CORO7: variants seen among roughly 807,000 people sequenced by gnomAD.
CORO7 encodes the protein coronin 7, also known as coronin-7.
In CORO7, 107 loss-of-function variants were observed where a neutral mutation model predicts 126.6. That is an observed-to-expected ratio of 0.85 (90% CI 0.72 to 0.99). The LOEUF (loss-of-function observed/expected upper bound fraction) is 0.99. Ranked by LOEUF, CORO7 falls within the 50% of genes least tolerant of loss-of-function variation. CORO7 has a pLI of 0.00. For missense variants in CORO7, 1,314 were observed against 1,255.8 expected (o/e 1.05, Z -0.70); for synonymous variants, 603 against 536.8 (o/e 1.12, Z -1.70).
At position 4,355,542 on chromosome 16, in the gene CORO7, C is replaced by G. The variant is rs1215133673; in HGVS notation, c.2686-170G>C. ...GGAGTGCAGTGGCGCGATCTCGGCT[C>G]ACTGCAAGCTCTGCCTCCCGGGTTT... is the stretch of plus-strand genomic sequence containing the variant. On this transcript the variant is annotated intron_variant, in intron 26 of 27. Coordinates refer to ENST00000251166, the MANE Select transcript of CORO7 (RefSeq NM_024535.5). 9 of 684,370 alleles carry G rather than the reference C, an allele frequency of 1.3e-5. No homozygotes were observed. In the South Asian group the frequency reaches 1.7e-4, roughly 13 times the overall value. The allele number at this position is 684,370 out of a possible 1,614,324, so 42.4% of individuals were successfully genotyped here.
At chr16:4,402,265 G>GA (rs1390242530) in intron 6 of CORO7, among the ~76,000 whole-genome samples, 2 of 150,972 alleles carry the variant, frequency 1.3e-5, no homozygotes, top group Admixed American at 6.6e-5. Context: ...TGTTGTTGTT[G>GA]TTTTTTAAGA....
chr16:4,388,112 A>T, intron 8 of CORO7, 44 bp from the exon 9 acceptor site: 1 of 1,583,820 alleles, frequency 6.3e-7, no homozygotes, highest in Non-Finnish European at 8.6e-7. Flanking sequence ...CCTGTCCCTC[A>T]GCCCCACCCG....
intron 9 of CORO7, chr16:4,371,705 G>A (rs987286854): frequency 1.3e-5 from 2 of 152,274 alleles, no homozygotes; most frequent in African/African-American, 4.8e-5. Context: ...TGAGGGCCAG[G>A]GCAACCCGGC....
chr16:4,415,792 G>C, intron 1 of CORO7: 1 of 985,562 alleles, frequency 1.0e-6, no homozygotes, highest in Non-Finnish European at 1.2e-6. Context: ...TGCCGTTTCG[G>C]GGGTCCGAAG....
chr16:4,409,154 G>A (rs74003300), intron 3 of CORO7, among the ~76,000 whole-genome samples: 368 of 152,264 alleles, frequency 2.4e-3, no homozygotes, highest in African/African-American at 8.4e-3. Flanking sequence ...GGAGCACAGC[G>A]ACCACCTGCT....
At chr16:4,399,596 A>G (rs540173747) in intron 6 of CORO7, among the ~76,000 whole-genome samples, 2 of 152,328 alleles carry the variant, frequency 1.3e-5, no homozygotes, top group South Asian at 4.1e-4. Context: ...TATACTTAAC[A>G]CTACTGAACT....
chr16:4,365,569 C>A (rs762758018), intron 9 of CORO7, 24 bp from the exon 10 acceptor site: 1 of 1,566,348 alleles, frequency 6.4e-7, no homozygotes, highest in Non-Finnish European at 8.7e-7. Flanking sequence ...GGCAAGATGG[C>A]GGGTCAGGGC....
At chr16:4,408,518 G>A (rs1375577643) in intron 3 of CORO7, among the ~76,000 whole-genome samples, 2 of 152,198 alleles carry the variant, frequency 1.3e-5, no homozygotes, top group Non-Finnish European at 2.9e-5. Context: ...GAGTCACCAG[G>A]CACCTGCAGG....
At chr16:4,396,771 T>A (rs1376930379) in intron 6 of CORO7, among the ~76,000 whole-genome samples, 1 of 151,954 alleles carries the variant, frequency 6.6e-6, no homozygotes, top group Non-Finnish European at 1.5e-5. Context: ...ATCCCAGCAC[T>A]TTGCGAGGCT....
intron 9 of CORO7, among the ~76,000 whole-genome samples, chr16:4,376,265 G>A (rs962017854): frequency 2.0e-5 from 3 of 152,208 alleles, no homozygotes; most frequent in East Asian, 1.9e-4. Flanking sequence ...CCTCGGACAC[G>A]TCAGCGAAAC....
Position 4,362,574 on chromosome 16 carries a change from C to T in CORO7, c.1402+38G>A. 6.6e-7 allele frequency: 1 copy of T among 1,512,022 alleles called. No individual in the cohort carries two copies. Among genetic ancestry groups the T allele is most frequent in the South Asian group, 1.3e-5 (1 of 75,530 alleles). 93.7% of individuals were successfully genotyped at this position (1,512,022 alleles called of 1,614,324 possible). On this transcript the variant is annotated intron_variant, in intron 15 of 27. Transcript: ENST00000251166. The surrounding 1 kb of genome is among the most constrained non-coding windows in gnomAD (Gnocchi z 5.3). ...GACGGGGAGTGGGGCAGACAGGGCTCCTGCGGTAGGGGTGAGCTCCCCGTC... is the reference window on the plus strand; with the variant it reads ...GACGGGGAGTGGGGCAGACAGGGCTTCTGCGGTAGGGGTGAGCTCCCCGTC...
At chr16:4,412,207 C>A in intron 3 of CORO7, 149 bp downstream of exon 3, 1 of 811,882 alleles carries the variant, frequency 1.2e-6, no homozygotes. Flanking sequence ...GCCTTCTGAG[C>A]CCCACTGTCT....
chr16:4,381,213 G>A lies in CORO7; in HGVS notation c.785+6773C>T, dbSNP rs145408407. On this transcript the variant is annotated intron_variant, in intron 9 of 27. Transcript: ENST00000251166. The stretch of plus-strand genomic sequence containing the variant: ...ACCTGGACCTGACAGCCAACAGGCT[G>A]CATGAAATCACCAATGAGACCTTCC... 30 of 1,611,964 alleles carry A rather than the reference G, an allele frequency of 1.9e-5. No individual in the cohort carries two copies. In the African/African-American group the frequency reaches 3.1e-4, roughly 16 times the overall value.
chr16:4,371,028 C>T (rs1252675947), intron 9 of CORO7, among the ~76,000 whole-genome samples: 7 of 152,226 alleles, frequency 4.6e-5, no homozygotes, highest in Admixed American at 4.6e-4. Context: ...ACTAGTCCGG[C>T]CCCTGGCACC....
chr16:4,370,727 C>T (rs554814733), intron 9 of CORO7, among the ~76,000 whole-genome samples: 34 of 152,342 alleles, frequency 2.2e-4, no homozygotes, highest in African/African-American at 8.2e-4. Flanking sequence ...ACACAGAGGC[C>T]ATCCTGCCTT....
At position 4,357,433 on chromosome 16, in the gene CORO7, C is replaced by T. The variant is rs564203738; in HGVS notation, c.2594-174G>A. The T allele has an allele frequency of 2.5e-5, 16 of 633,598 alleles. No individual in the cohort carries two copies. The South Asian group carries it at 3.3e-4, about 13-fold the overall frequency. The allele number at this position is 633,598 out of a possible 1,614,324, so 39.2% of individuals were successfully genotyped here. The stretch of plus-strand genomic sequence containing the variant: ...AGTGCAATGATGTGACCTAGGCTGA[C>T]TGCAACCTCCGCCTCCTCTGGGTTC... On this transcript the variant is annotated intron_variant, in intron 25 of 27. Coordinates refer to ENST00000251166, the MANE Select transcript of CORO7 (RefSeq NM_024535.5).
Position 4,408,194 on chromosome 16 carries a change from G to C in CORO7, c.290C>G (p.Ser97Trp), listed in dbSNP as rs375730527. Residue 97 changes from serine to tryptophan, a missense_variant, in exon 4 of 28, where the codon TCG becomes TGG. By Grantham distance (177) the Ser-to-Trp change is radical. Transcript: ENST00000251166. The part of the protein sequence containing the change: ...PFDDFLLATG[S>W]ADRTVKLWRL... Reference sequence around the variant, plus strand: ...GGCTCCACTCACCGTCCTGTCAGCCGAGCCTGTGGCCAGGAGGAAGTCATC... The same window carrying C: ...GGCTCCACTCACCGTCCTGTCAGCCCAGCCTGTGGCCAGGAGGAAGTCATC... The C allele has an allele frequency of 1.2e-5, 19 of 1,614,072 alleles. No homozygotes were observed. Among genetic ancestry groups the C allele is most frequent in the Non-Finnish European group, 1.5e-5 (18 of 1,180,034 alleles).
At chr16:4,369,524 C>A (rs1374944058) in intron 9 of CORO7, among the ~76,000 whole-genome samples, 2 of 152,356 alleles carry the variant, frequency 1.3e-5, no homozygotes, top group East Asian at 3.9e-4. Context: ...CTGCCCCCGC[C>A]CCTCAGCCAG....
Position 4,416,560 on chromosome 16 carries a change from G to A in CORO7, c.-42C>T, listed in dbSNP as rs56983852. ...GCGGACGCGTCTTCGAGGACCCCGGGCGTCGGGTCTCAGGTGCACGCTGAG... is the reference window on the plus strand; with the variant it reads ...GCGGACGCGTCTTCGAGGACCCCGGACGTCGGGTCTCAGGTGCACGCTGAG... On this transcript the variant is annotated 5_prime_UTR_variant, in exon 1 of 28. Transcript: ENST00000251166. 5 of 1,570,378 alleles carry A rather than the reference G, an allele frequency of 3.2e-6. No individual in the cohort carries two copies. In the South Asian group the frequency reaches 5.8e-5, roughly 18 times the overall value.
Sources: allele counts gnomAD v4.1 joint callset (sites outside exome capture counted in the v4.1 genomes callset), GRCh38; gene constraint gnomAD v4.1.1; non-coding constraint Gnocchi (gnomAD v3.1); transcripts MANE v1.5; gene names NCBI Gene and HGNC (gene_info 2026-07-23, HGNC 2026-07-21).